Variants in AFF3 observed in about 807,000 individuals in gnomAD.
The protein encoded by AFF3 is AF4/FMR2 family member 3.
Under a neutral mutation model 129.7 loss-of-function variants are expected in AFF3, and 32 were observed. The ratio of observed to expected loss-of-function variants is 0.25; its 90% confidence interval spans 0.19 to 0.33. The LOEUF (loss-of-function observed/expected upper bound fraction) is 0.33, where lower values mean the gene tolerates loss of function less well. AFF3 is among the 10% of genes least tolerant of loss of function. The pLI is 1.00. For synonymous variants in AFF3, 644 were observed against 635.4 expected, an observed-to-expected ratio of 1.01 and a Z score of -0.20; for missense variants, 1,373 against 1,592.0, an observed-to-expected ratio of 0.86 and a Z score of 2.34.
At chr2:100,052,811 G>A (rs1319563248) in intron 4 of AFF3, among the ~76,000 whole-genome samples, 2 of 152,352 alleles carry the variant, frequency 1.3e-5, no homozygotes, top group African/African-American at 4.8e-5. Context: ...GGGCAGGACA[G>A]GGCGCTGCAC....
chr2:100,078,209 A>G (rs115127856), intron 4 of AFF3, among the ~76,000 whole-genome samples: 2,403 of 152,326 alleles, frequency 0.016, 68 homozygotes, highest in African/African-American at 0.055. Flanking sequence ...CCCAGGTACC[A>G]CATTATCAAA....
At chr2:99,782,195 T>C (rs1289784343) in intron 8 of AFF3, among the ~76,000 whole-genome samples, 4 of 152,218 alleles carry the variant, frequency 2.6e-5, no homozygotes, top group Non-Finnish European at 4.4e-5. Context: ...GGTCCCCACA[T>C]TGTAATAACT....
intron 7 of AFF3, among the ~76,000 whole-genome samples, chr2:99,942,434 G>A (rs985577914): frequency 1.3e-5 from 2 of 151,326 alleles, no homozygotes; most frequent in Admixed American, 6.6e-5. Flanking sequence ...AGAAAATAAG[G>A]ATGATGTGCT....
intron 12 of AFF3, among the ~76,000 whole-genome samples, chr2:99,657,441 C>T (rs1685849782): frequency 6.6e-6 from 1 of 152,094 alleles, no homozygotes; most frequent in South Asian, 2.1e-4. Context: ...TTTTTGGCTT[C>T]CCAAGTTCCT....
chr2:99,985,399 A>T (rs1025667928), intron 7 of AFF3, among the ~76,000 whole-genome samples: 1 of 152,190 alleles, frequency 6.6e-6, no homozygotes, highest in South Asian at 2.1e-4. Context: ...AAATTTGCTA[A>T]ATTTATTGCT....
chr2:99,554,543 G>C lies in AFF3; in HGVS notation c.3336-9C>G. ...ATGGGGTTCCAGTGCTCCTGGAAGG[G>C]GAGAGGTAGAAAAACCAGAGTGGCG... is the stretch of plus-strand genomic sequence containing the variant. On this transcript the variant is annotated splice_polypyrimidine_tract_variant and intron_variant, in intron 23 of 24. Coordinates refer to ENST00000672756, the MANE Select transcript of AFF3 (RefSeq NM_001386135.1). 6.2e-7 allele frequency: 1 copy of C among 1,611,092 alleles called. No individual in the cohort carries two copies. Among genetic ancestry groups the C allele is most frequent in the Non-Finnish European group, 8.5e-7 (1 of 1,178,438 alleles).
chr2:99,720,078 G>A (rs148269843), intron 11 of AFF3, among the ~76,000 whole-genome samples: 13 of 152,180 alleles, frequency 8.5e-5, no homozygotes, highest in African/African-American at 2.6e-4. Context: ...AATAAAGTAC[G>A]TATCATGTAG....
intron 8 of AFF3, among the ~76,000 whole-genome samples, chr2:99,787,727 A>G (rs1471629570): frequency 6.6e-6 from 1 of 150,540 alleles, no homozygotes; most frequent in Non-Finnish European, 1.5e-5. Context: ...AGGGAGAAGA[A>G]AACAAACAAA....
rs1387162543 is a variant in AFF3, at chr2:99,550,817, T to C, written c.*657A>G. On this transcript the variant is annotated 3_prime_UTR_variant, in exon 25 of 25. Transcript: ENST00000672756. ...TGCCTGGAATGCATTTAGTTGATAA[T>C]AGAGTCAGATGGGGGAAGGGAATTA... 3 of 234,936 alleles carry C rather than the reference T, an allele frequency of 1.3e-5. No homozygotes were observed. The highest frequency in any genetic ancestry group is 2.2e-5 in the African/African-American group (1 of 45,338). The allele number at this position is 234,936 out of a possible 1,614,324, so 14.6% of individuals were successfully genotyped here.
chr2:99,668,437 TG>T (rs1386706677), intron 12 of AFF3, among the ~76,000 whole-genome samples: 1 of 152,046 alleles, frequency 6.6e-6, no homozygotes, highest in African/African-American at 2.4e-5. Flanking sequence ...CCCAAAGTGC[TG>T]GGATTACAGG....
At chr2:99,914,788 C>T (rs959919862) in intron 7 of AFF3, among the ~76,000 whole-genome samples, 8 of 151,880 alleles carry the variant, frequency 5.3e-5, no homozygotes, top group African/African-American at 1.7e-4. Context: ...GGCATGGTGG[C>T]ACACGTGTGT....
At chr2:99,607,252 G>C (rs2105154275) in intron 13 of AFF3, among the ~76,000 whole-genome samples, 1 of 152,266 alleles carries the variant, frequency 6.6e-6, no homozygotes, top group East Asian at 1.9e-4. Flanking sequence ...AGATCTGGAG[G>C]CTGGGTGCAG....
intron 13 of AFF3, among the ~76,000 whole-genome samples, chr2:99,638,754 T>A (rs2105471089): frequency 6.6e-6 from 1 of 152,312 alleles, no homozygotes; most frequent in South Asian, 2.1e-4. Context: ...TGTTTGCTCT[T>A]ACCCCCCACC....
chr2:99,698,944 G>A lies in AFF3; in HGVS notation c.1092-26355C>T, dbSNP rs1487950045. On this transcript the variant is annotated intron_variant, in intron 11 of 24. Transcript: ENST00000672756. ...TTAAATAGAAGAAAAACAGTAAAGGGAGCACATCAATGTAAGAAGTGTATG... is the reference window on the plus strand; with the variant it reads ...TTAAATAGAAGAAAAACAGTAAAGGAAGCACATCAATGTAAGAAGTGTATG... Among the ~76,000 whole-genome samples, 2 of 152,082 alleles carry A rather than the reference G, an allele frequency of 1.3e-5. 1 individual carries two copies. The highest frequency in any genetic ancestry group is 4.8e-5 in the African/African-American group (2 of 41,406).
chr2:100,083,265 G>A (rs541255217), intron 4 of AFF3, among the ~76,000 whole-genome samples: 7 of 152,194 alleles, frequency 4.6e-5, no homozygotes, highest in Non-Finnish European at 1.0e-4. Flanking sequence ...TCAATCAGCC[G>A]GTTTGCAGTT....
chr2:99,761,167 G>A (rs1682554429), intron 8 of AFF3, among the ~76,000 whole-genome samples: 1 of 150,874 alleles, frequency 6.6e-6, no homozygotes. Context: ...TTACTCAAGG[G>A]ATACGTTCAG....
chr2:99,881,809 G>A (rs1023848632), intron 7 of AFF3, among the ~76,000 whole-genome samples: 1 of 152,290 alleles, frequency 6.6e-6, no homozygotes, highest in South Asian at 2.1e-4. Flanking sequence ...AACCATTAAT[G>A]ATAAAAGAAG....
intron 4 of AFF3, among the ~76,000 whole-genome samples, chr2:100,076,086 G>A (rs573427865): frequency 1.3e-5 from 2 of 152,308 alleles, no homozygotes; most frequent in South Asian, 2.1e-4. Context: ...CAGGAACCAA[G>A]TGAGTTTCCT....
chr2:99,700,143 C>G (rs1051466229), intron 11 of AFF3, among the ~76,000 whole-genome samples: 10 of 148,840 alleles, frequency 6.7e-5, no homozygotes, highest in African/African-American at 2.2e-4. Flanking sequence ...TTTTTTGAGA[C>G]GAAGTCTCGC....
Sources: allele counts gnomAD v4.1 joint callset (sites outside exome capture counted in the v4.1 genomes callset), GRCh38; gene constraint gnomAD v4.1.1; transcripts MANE v1.5; gene names NCBI Gene and HGNC (gene_info 2026-07-23, HGNC 2026-07-21).